UNC80: variants seen among roughly 807,000 people sequenced by gnomAD.
The protein encoded by UNC80 is protein unc-80 homolog.
Under a neutral mutation model 384.6 loss-of-function variants are expected in UNC80, and 164 were observed. The observed-to-expected ratio is 0.43, with a 90% CI of 0.38 to 0.49. The LOEUF is 0.49. UNC80 is among the 20% of genes least tolerant of loss of function. The probability of loss-of-function intolerance (pLI) is 0.00; values close to 1 mark genes in which losing one functional copy is unlikely to be tolerated. For missense variants in UNC80, 3,330 were observed against 4,143.0 expected, an observed-to-expected ratio of 0.80 and a Z score of 5.39; for synonymous variants, 1,486 against 1,527.8, an observed-to-expected ratio of 0.97 and a Z score of 0.64.
Position 209,817,112 on chromosome 2 carries a change from A to G in UNC80, c.1539A>G (p.Gln513=). The G allele has an allele frequency of 6.4e-7, 1 of 1,551,604 alleles. No individual in the cohort carries two copies. The highest frequency in any genetic ancestry group is 8.7e-7 in the Non-Finnish European group (1 of 1,146,996). The part of the protein sequence containing the change: ...DRRGIEKGGW[Q]TTILGKLTRR... ...GAGGAATTGAGAAAGGAGGCTGGCA[A>G]ACCACCATTTTAGGTGACCACAAGG... Residue 513 remains glutamine, a synonymous_variant, in exon 10 of 65, where the codon CAA becomes CAG. Transcript: ENST00000673920.
At chr2:209,929,769 A>T in intron 36 of UNC80, 102 bp from the exon 37 acceptor site, 2 of 865,522 alleles carry the variant, frequency 2.3e-6, no homozygotes, top group Non-Finnish European at 3.4e-6. Flanking sequence ...AGAGCCTTTT[A>T]AGGCAAAAAG....
At position 209,995,977 on chromosome 2, in the gene UNC80, A is replaced by T. The variant is rs1383907132; in HGVS notation, c.*382A>T. 1 of 159,778 alleles carries T rather than the reference A, an allele frequency of 6.3e-6. No individual in the cohort carries two copies. The highest frequency in any genetic ancestry group is 1.4e-5 in the Non-Finnish European group (1 of 73,302). The allele number at this position is 159,778 out of a possible 1,614,324, so 9.9% of individuals were successfully genotyped here. ...AATGCAATTTTTTGAGATTACTCAC[A>T]TTATACATCTCATGCAAATATTTAT... On this transcript the variant is annotated 3_prime_UTR_variant, in exon 65 of 65. Transcript: ENST00000673920.
intron 39 of UNC80, 66 bp from the exon 40 acceptor site, chr2:209,935,648 T>G (rs1243433177): frequency 9.0e-6 from 7 of 774,960 alleles, no homozygotes; most frequent in Non-Finnish European, 9.7e-6. Flanking sequence ...ATTTTAATAT[T>G]TTATGCTTTA....
intron 59 of UNC80, among the ~76,000 whole-genome samples, 190 bp from the exon 60 acceptor site, chr2:209,981,989 C>T (rs2723220): frequency 0.45 from 67,679 of 152,066 alleles, 15,776 homozygotes; most frequent in Middle Eastern, 0.72. Context: ...GATGTATAGA[C>T]ACGAAGAATT....
rs374925223 is a variant in UNC80, at chr2:209,943,425, G to A, written c.6961G>A (p.Glu2321Lys). ...CAATCCCCAGCTGCGTCAAGCCATC[G>A]AATTTGCCTGTCACCAGTTCTATAT... ...ESNPQLRQAI[E>K]FACHQFYILH... The change falls in exon 45 of 65, where the codon GAA becomes AAA. Residue 2321 changes from glutamate to lysine, a missense_variant. Glu to Lys is a moderately conservative substitution (Grantham distance 56). Around this residue, in one of 8 missense-constraint regions of UNC80, gnomAD observed 1,049 missense variants for 1,488.6 expected, o/e 0.70. Transcript: ENST00000673920. 9.7e-6 allele frequency: 15 copies of A among 1,551,978 alleles called. No individual in the cohort carries two copies. Among genetic ancestry groups the A allele is most frequent in the South Asian group, 2.4e-5 (2 of 84,052 alleles).
At chr2:209,867,767 C>G (rs987504723) in intron 22 of UNC80, among the ~76,000 whole-genome samples, 4 of 152,156 alleles carry the variant, frequency 2.6e-5, no homozygotes, top group African/African-American at 9.7e-5. Context: ...TCCCTACCCC[C>G]ACCCTCAGAA....
chr2:209,967,566 G>A lies in UNC80; in HGVS notation c.7935G>A (p.Arg2645=), dbSNP rs181782253. The A allele has an allele frequency of 4.6e-5, 71 of 1,551,664 alleles. No individual in the cohort carries two copies. In the East Asian group the frequency reaches 1.7e-3, roughly 37 times the overall value. Residue 2645 remains arginine, a synonymous_variant, in exon 52 of 65, where the codon AGG becomes AGA. Coordinates refer to ENST00000673920, the MANE Select transcript of UNC80 (RefSeq NM_001371986.1). ...CTGACTGGACAGCTGAGGCAGTGAG[G>A]CCGGCCCTCATCCTCATTTTAAAAA... is the stretch of plus-strand genomic sequence containing the variant. ...PITDWTAEAV[R]PALILILKRL... is the part of the protein sequence containing the mutation.
chr2:209,784,353 T>G (rs1168167112), intron 4 of UNC80, among the ~76,000 whole-genome samples: 1 of 152,214 alleles, frequency 6.6e-6, no homozygotes, highest in Non-Finnish European at 1.5e-5. Context: ...ACTTGAAACC[T>G]TCAGTGGCTT....
rs1469945004 is a variant in UNC80 at position 209,899,776 on chromosome 2, CAA to C, written c.4581+3365_4581+3366del. The stretch of plus-strand genomic sequence containing the variant: ...TGTTTCCCCATCACAATGAAATTTC[CAA>C]AGTCTCTACTCTGTTTGTCAGCTGG... On this transcript the variant is annotated intron_variant, in intron 28 of 64. Coordinates refer to ENST00000673920, the MANE Select transcript of UNC80 (RefSeq NM_001371986.1). 1.2e-4 allele frequency among the ~76,000 whole-genome samples: 19 copies of C among 152,258 alleles called. No individual in the cohort carries two copies. The East Asian group carries it at 3.3e-3, about 26-fold the overall frequency.
At chr2:209,808,790 T>C (rs1285239275) in intron 7 of UNC80, 1 of 300,256 alleles carries the variant, frequency 3.3e-6, no homozygotes, top group South Asian at 3.2e-5. Context: ...AGCGACCTCG[T>C]TGCCTCTGCC....
At chr2:209,973,292 CT>C in intron 56 of UNC80, 22 bp downstream of exon 56, 2 of 1,546,536 alleles carry the variant, frequency 1.3e-6, no homozygotes, top group Non-Finnish European at 1.7e-6. Flanking sequence ...CTCTCTCTCT[CT>C]CTCTGTTTGT....
At chr2:209,826,475 G>A (rs903002929) in intron 14 of UNC80, among the ~76,000 whole-genome samples, 2 of 152,150 alleles carry the variant, frequency 1.3e-5, no homozygotes, top group Non-Finnish European at 2.9e-5. Flanking sequence ...GACCTGGTTT[G>A]TTGTCCTGCC....
At chr2:209,957,947 A>G (rs2092470065) in intron 49 of UNC80, among the ~76,000 whole-genome samples, 1 of 152,196 alleles carries the variant, frequency 6.6e-6, no homozygotes, top group African/African-American at 2.4e-5. Context: ...CTTCATAAAT[A>G]GGCATTTGTG....
At position 209,917,857 on chromosome 2, in the gene UNC80, A is replaced by T. The variant is rs1053518915; in HGVS notation, c.5110A>T (p.Thr1704Ser). 4 of 1,551,958 alleles carry T rather than the reference A, an allele frequency of 2.6e-6. No homozygotes were observed. The South Asian group carries it at 4.8e-5, about 18-fold the overall frequency. The change falls in exon 32 of 65, where the codon ACT becomes TCT. Residue 1704 changes from threonine (T) to serine (S), a missense_variant. By Grantham distance (58) the Thr-to-Ser change is moderately conservative. This residue lies in a region of UNC80 where 801 missense variants were observed against 950.8 expected (regional missense o/e 0.84). Transcript: ENST00000673920. The part of the protein sequence containing the change: ...MLMSEFHHPE[T>S]VQRLNAVLKF... ...GATGTCAGAGTTCCACCACCCGGAG[A>T]CTGTGCAGAGGCTGAACGCTGTCCT...
intron 22 of UNC80, among the ~76,000 whole-genome samples, chr2:209,854,356 GT>G (rs2082737874): frequency 6.6e-6 from 1 of 151,978 alleles, no homozygotes; most frequent in South Asian, 2.1e-4. Context: ...GTATTTCATT[GT>G]TTTGTATATG....
chr2:209,970,314 G>GA lies in UNC80; in HGVS notation c.8130+432dup, dbSNP rs199864339. 7.9e-3 allele frequency: 1,373 copies of GA among 173,208 alleles called. 17 individuals carry two copies. The highest frequency in any genetic ancestry group is 0.03 in the African/African-American group (1,260 of 41,954). The allele number at this position is 173,208 out of a possible 1,614,324, so 10.7% of individuals were successfully genotyped here. A position where few individuals can be genotyped will look rare whatever the true frequency, so the allele number is the denominator to read the frequency against. On this transcript the variant is annotated intron_variant, in intron 53 of 64. Transcript: ENST00000673920. ...TTGGCCAGTCTAGGATTTATGTGAA[G>GA]AAAAAAAAATTTAATTGTTTATGTA...
intron 12 of UNC80, 24 bp from the exon 13 acceptor site, chr2:209,820,287 C>G (rs781269124): frequency 1.0e-5 from 15 of 1,501,442 alleles, no homozygotes. Flanking sequence ...CTTAATCATG[C>G]TGTGTTTATC....
At chr2:209,903,564 CTA>C (rs61356406) in intron 28 of UNC80, among the ~76,000 whole-genome samples, 157 of 1,452 alleles carry the variant, frequency 0.11, 46 homozygotes, top group Admixed American at 0.18. Flanking sequence ...TATATATATA[CTA>C]TATATATAGT....
Position 209,940,457 on chromosome 2 carries a change from C to A in UNC80, c.6647-764C>A, listed in dbSNP as rs138129212. On this transcript the variant is annotated intron_variant, in intron 43 of 64. Coordinates refer to ENST00000673920, the MANE Select transcript of UNC80 (RefSeq NM_001371986.1). ...CACTTTGGAGCCTCGCTCTGTTACTCAGTTATTAATTTGAGACAATTTACT... is the reference window on the plus strand; with the variant it reads ...CACTTTGGAGCCTCGCTCTGTTACTAAGTTATTAATTTGAGACAATTTACT... 5.3e-3 allele frequency among the ~76,000 whole-genome samples: 805 copies of A among 152,266 alleles called. 9 individuals are homozygous for A. The highest frequency in any genetic ancestry group is 0.018 in the African/African-American group (747 of 41,544).
Sources: allele counts gnomAD v4.1 joint callset (sites outside exome capture counted in the v4.1 genomes callset), GRCh38; gene constraint gnomAD v4.1.1; regional missense constraint gnomAD v4.1.1; transcripts MANE v1.5; gene names NCBI Gene and HGNC (gene_info 2026-07-23, HGNC 2026-07-21).